NECAB1: variants seen among roughly 807,000 people sequenced by gnomAD.
NECAB1 encodes the protein N-terminal EF-hand calcium binding protein 1.
NECAB1 carries 29 observed loss-of-function variants against 57.5 expected under a neutral mutation model. That is an observed-to-expected ratio of 0.50 (90% CI 0.38 to 0.69). The LOEUF is 0.69. NECAB1 is among the 30% of genes least tolerant of loss of function. The pLI is 0.00. For missense variants in NECAB1, 372 were observed against 413.8 expected (o/e 0.90, Z 0.88); for synonymous variants, 142 against 147.7 (o/e 0.96, Z 0.28).
At position 90,940,927 on chromosome 8, in the gene NECAB1, C is replaced by T. The variant is rs1810655607; in HGVS notation, c.860+29C>T. ...AGTGCTCCGACTCCTGCACCTTAGG[C>T]CTTTGGCAGCCTGGGAATACAGTGA... On this transcript the variant is annotated intron_variant, in intron 10 of 12. Coordinates refer to ENST00000417640, the MANE Select transcript of NECAB1 (RefSeq NM_022351.5). 7 of 1,489,616 alleles carry T rather than the reference C, an allele frequency of 4.7e-6. No homozygotes were observed. The African/African-American group carries it at 5.6e-5, about 12-fold the overall frequency. 92.3% of individuals were successfully genotyped at this position (1,489,616 alleles called of 1,614,324 possible).
At chr8:90,798,723 G>A (rs961953934) in intron 1 of NECAB1, among the ~76,000 whole-genome samples, 1 of 152,114 alleles carries the variant, frequency 6.6e-6, no homozygotes, top group East Asian at 1.9e-4. Context: ...AGTTGATTTA[G>A]TATTTTTGCT....
intron 5 of NECAB1, 117 bp from the exon 6 acceptor site, chr8:90,917,375 C>T (rs1246785647): frequency 2.4e-6 from 2 of 835,238 alleles, no homozygotes; most frequent in Non-Finnish European, 3.4e-6. Flanking sequence ...CCCTTCTCTC[C>T]ACCCTCTCTC....
chr8:90,907,616 A>C (rs1809721950), intron 5 of NECAB1, among the ~76,000 whole-genome samples: 1 of 152,192 alleles, frequency 6.6e-6, no homozygotes, highest in Non-Finnish European at 1.5e-5. Context: ...TATATCTATC[A>C]ATTGATGGTG....
At chr8:90,931,368 C>T (rs1207142862) in intron 8 of NECAB1, among the ~76,000 whole-genome samples, 2 of 152,182 alleles carry the variant, frequency 1.3e-5, no homozygotes, top group African/African-American at 2.4e-5. Flanking sequence ...TTTTGATCTT[C>T]CCATTAGAAG....
At chr8:90,888,078 G>GA (rs1416076565) in intron 5 of NECAB1, among the ~76,000 whole-genome samples, 1 of 151,850 alleles carries the variant, frequency 6.6e-6, no homozygotes, top group Non-Finnish European at 1.5e-5. Context: ...CCAGAAATAA[G>GA]GTATAGTGAT....
At chr8:90,911,894 G>T (rs1052891285) in intron 5 of NECAB1, among the ~76,000 whole-genome samples, 9 of 152,128 alleles carry the variant, frequency 5.9e-5, no homozygotes, top group African/African-American at 1.9e-4. Flanking sequence ...TACTGTGTGT[G>T]CCACATGCTG....
chr8:90,954,463 T>G (rs1178331759), intron 12 of NECAB1, among the ~76,000 whole-genome samples: 1 of 151,994 alleles, frequency 6.6e-6, no homozygotes, highest in Non-Finnish European at 1.5e-5. Context: ...GAATGTCCAT[T>G]GGTAATAACA....
chr8:90,794,914 A>G (rs1490782543), intron 1 of NECAB1, among the ~76,000 whole-genome samples: 1 of 152,196 alleles, frequency 6.6e-6, no homozygotes, highest in East Asian at 1.9e-4. Flanking sequence ...GTATCGGTTC[A>G]TCATAAATAC....
At position 90,824,701 on chromosome 8, in the gene NECAB1, G is replaced by T. The variant is rs1477432610; in HGVS notation, c.125-16G>T. On this transcript the variant is annotated splice_polypyrimidine_tract_variant and intron_variant, in intron 2 of 12. Coordinates refer to ENST00000417640, the MANE Select transcript of NECAB1 (RefSeq NM_022351.5). The stretch of plus-strand genomic sequence containing the variant: ...AAATTAAAATAATTTGTGTCTCTTT[G>T]TTCTTGCCATTTCAGATGATGGAAA... The T allele has an allele frequency of 1.6e-5, 23 of 1,456,824 alleles. No individual in the cohort carries two copies. The highest frequency in any genetic ancestry group is 2.1e-5 in the Admixed American group (1 of 47,296). 90.2% of individuals were successfully genotyped at this position (1,456,824 alleles called of 1,614,324 possible). A position where few individuals can be genotyped will look rare whatever the true frequency, so the allele number is the denominator to read the frequency against.
At position 90,876,111 on chromosome 8, in the gene NECAB1, C is replaced by A. The variant is rs183762011; in HGVS notation, c.259+3958C>A. Among the ~76,000 whole-genome samples, 3 of 152,284 alleles carry A rather than the reference C, an allele frequency of 2.0e-5. No homozygotes were observed. In the East Asian group the frequency reaches 5.8e-4, roughly 29 times the overall value. On this transcript the variant is annotated intron_variant, in intron 4 of 12. Transcript: ENST00000417640. ...TTCCCTTCATACCCAAGGTTCCTTT[C>A]GGTAGCTGTGCACTAAGCACCCAGG...
intron 10 of NECAB1, among the ~76,000 whole-genome samples, chr8:90,949,284 C>T (rs981929930): frequency 6.6e-6 from 1 of 151,500 alleles, no homozygotes; most frequent in Non-Finnish European, 1.5e-5. Flanking sequence ...AACTAGGAGT[C>T]AGTTGTATAG....
chr8:90,880,073 C>T (rs1374106201), intron 4 of NECAB1, among the ~76,000 whole-genome samples: 1 of 152,140 alleles, frequency 6.6e-6, no homozygotes, highest in Non-Finnish European at 1.5e-5. Flanking sequence ...TCAATATAAA[C>T]AAATATTTCC....
chr8:90,897,361 G>A (rs1809381310), intron 5 of NECAB1, among the ~76,000 whole-genome samples: 1 of 152,194 alleles, frequency 6.6e-6, no homozygotes, highest in Admixed American at 6.5e-5. Context: ...GAATTTTGCT[G>A]CAAAACTACC....
chr8:90,941,651 A>G (rs967527465), intron 10 of NECAB1, among the ~76,000 whole-genome samples: 1 of 152,252 alleles, frequency 6.6e-6, no homozygotes, highest in African/African-American at 2.4e-5. Flanking sequence ...TCCTACTGAC[A>G]GACCCAGGAA....
At chr8:90,847,718 G>A (rs1481230973) in intron 3 of NECAB1, among the ~76,000 whole-genome samples, 1 of 152,224 alleles carries the variant, frequency 6.6e-6, no homozygotes, top group Non-Finnish European at 1.5e-5. Flanking sequence ...AACACCACAT[G>A]TAAGCCACCA....
At chr8:90,911,567 C>G (rs1238365882) in intron 5 of NECAB1, among the ~76,000 whole-genome samples, 6 of 152,126 alleles carry the variant, frequency 3.9e-5, no homozygotes, top group African/African-American at 1.4e-4. Context: ...TTCCATGGAT[C>G]ACAGCTTCAA....
At chr8:90,835,158 C>T (rs1026522559) in intron 3 of NECAB1, among the ~76,000 whole-genome samples, 4 of 152,096 alleles carry the variant, frequency 2.6e-5, no homozygotes, top group Admixed American at 6.6e-5. Context: ...CTAAATTCCA[C>T]GAAGGCAGAG....
chr8:90,924,597 T>C (rs577409649), intron 6 of NECAB1, among the ~76,000 whole-genome samples: 24 of 152,340 alleles, frequency 1.6e-4, no homozygotes, highest in African/African-American at 5.5e-4. Context: ...ATAGACACTC[T>C]TTCTTTTTCA....
intron 2 of NECAB1, among the ~76,000 whole-genome samples, chr8:90,809,378 C>T (rs534344988): frequency 9.8e-5 from 15 of 152,346 alleles, no homozygotes; most frequent in African/African-American, 3.6e-4. Context: ...TATTTCCAAA[C>T]CTTCAACCCT....
Sources: gnomAD v4.1 joint callset for allele counts (sites outside exome capture counted in the v4.1 genomes callset) on GRCh38, gnomAD v4.1.1 for gene constraint, MANE v1.5 for transcripts, NCBI Gene and HGNC (gene_info 2026-07-23, HGNC 2026-07-21) for gene names.